TXNL1: variants seen among roughly 807,000 people sequenced by gnomAD.
TXNL1 encodes the protein thioredoxin-like protein 1.
TXNL1 carries 14 observed loss-of-function variants against 35.5 expected under a neutral mutation model. The ratio of observed to expected loss-of-function variants is 0.39; its 90% confidence interval spans 0.26 to 0.62. The LOEUF is 0.62. TXNL1 is among the 20% of genes least tolerant of loss of function. The pLI, the probability that TXNL1 is intolerant of heterozygous loss-of-function variation, is 0.47. For synonymous variants in TXNL1, 110 were observed against 115.5 expected (o/e 0.95, Z 0.31); for missense variants, 263 against 349.7 (o/e 0.75, Z 1.98).
intron 1 of TXNL1, among the ~76,000 whole-genome samples, chr18:56,633,983 CAAAAAAAAAAA>C (rs71169380): frequency 9.7e-5 from 5 of 51,298 alleles, no homozygotes; most frequent in Admixed American, 5.9e-4. Context: ...GACTCCATCT[CAAAAAAAAAAA>C]AAAAAAAAAA....
intron 1 of TXNL1, 114 bp from the exon 2 acceptor site, chr18:56,626,571 T>TA: frequency 1.1e-6 from 1 of 940,826 alleles, no homozygotes; most frequent in Non-Finnish European, 1.6e-6. Flanking sequence ...TGACTCTCTG[T>TA]TTTTTTTGTT....
At chr18:56,621,466 T>C (rs1208242574) in intron 3 of TXNL1, among the ~76,000 whole-genome samples, 7 of 152,032 alleles carry the variant, frequency 4.6e-5, no homozygotes, top group African/African-American at 1.7e-4. Flanking sequence ...AGTGCTGGGA[T>C]TACAGGCGTG....
intron 7 of TXNL1, chr18:56,610,021 T>G (rs1233026500): frequency 3.4e-5 from 2 of 59,642 alleles, no homozygotes; most frequent in Non-Finnish European, 6.7e-5. Flanking sequence ...TGAATTAAAG[T>G]AAGATCTGTA....
intron 1 of TXNL1, among the ~76,000 whole-genome samples, chr18:56,634,084 C>A (rs1321474984): frequency 6.6e-6 from 1 of 150,736 alleles, no homozygotes; most frequent in Non-Finnish European, 1.5e-5. Context: ...TCTTTTAACT[C>A]TTTAGTAACA....
At chr18:56,606,204 G>A (rs1052519901) in intron 7 of TXNL1, among the ~76,000 whole-genome samples, 5 of 151,996 alleles carry the variant, frequency 3.3e-5, no homozygotes, top group East Asian at 1.9e-4. Context: ...GTGAAACCCC[G>A]TCTCTACTAA....
Position 56,599,374 on chromosome 18 carries a change from T to G in TXNL1, c.*3653A>C, listed in dbSNP as rs1021427531. The G allele has an allele frequency of 6.6e-6, 1 of 152,120 alleles. No homozygotes were observed. Among genetic ancestry groups the G allele is most frequent in the African/African-American group, 2.4e-5 (1 of 41,404 alleles). The allele number at this position is 152,120 out of a possible 1,614,324, so 9.4% of individuals were successfully genotyped here. A position where few individuals can be genotyped will look rare whatever the true frequency, so the allele number is the denominator to read the frequency against. On this transcript the variant is annotated 3_prime_UTR_variant, in exon 8 of 8. Coordinates refer to ENST00000217515, the MANE Select transcript of TXNL1 (RefSeq NM_004786.3). ...GTAGTCTTCCTTAAGAAGTATAGGC[T>G]TAACTGGGGAATAGTCAATATTTTA... is the stretch of plus-strand genomic sequence containing the variant.
chr18:56,625,021 A>G (rs1441600071), intron 2 of TXNL1, among the ~76,000 whole-genome samples: 1 of 152,224 alleles, frequency 6.6e-6, no homozygotes, highest in Non-Finnish European at 1.5e-5. Flanking sequence ...CCACAATTGT[A>G]TAAGACTAAC....
At chr18:56,623,871 A>G (rs1398216264) in intron 3 of TXNL1, among the ~76,000 whole-genome samples, 3 of 152,190 alleles carry the variant, frequency 2.0e-5, no homozygotes, top group Admixed American at 1.3e-4. Context: ...ATAGGAAGTG[A>G]GTGACAGTAA....
chr18:56,598,504 C>A lies in TXNL1; in HGVS notation c.*4523G>T. ...TGCGATATTAGGGTACGTTCTGCTACCTGGTAATACAGCACAGCACACTGG... is the reference window on the plus strand; with the variant it reads ...TGCGATATTAGGGTACGTTCTGCTAACTGGTAATACAGCACAGCACACTGG... On this transcript the variant is annotated 3_prime_UTR_variant, in exon 8 of 8. Coordinates refer to ENST00000217515, the MANE Select transcript of TXNL1 (RefSeq NM_004786.3). The A allele has an allele frequency of 6.6e-6, 1 of 152,270 alleles. No homozygotes were observed. Among genetic ancestry groups the A allele is most frequent in the Non-Finnish European group, 1.5e-5 (1 of 68,086 alleles). The allele number at this position is 152,270 out of a possible 1,614,324, so 9.4% of individuals were successfully genotyped here. A position where few individuals can be genotyped will look rare whatever the true frequency, so the allele number is the denominator to read the frequency against.
chr18:56,629,316 C>T (rs918648790), intron 1 of TXNL1, among the ~76,000 whole-genome samples: 4 of 152,186 alleles, frequency 2.6e-5, no homozygotes, highest in South Asian at 2.1e-4. Flanking sequence ...TCACTTGAGT[C>T]CAGGAGTTCT....
At chr18:56,608,625 C>T (rs997779779) in intron 7 of TXNL1, 1 of 152,132 alleles carries the variant, frequency 6.6e-6, no homozygotes, top group Admixed American at 6.6e-5. Context: ...GCCTTTTAGA[C>T]TCTTATTCTC....
At chr18:56,633,787 C>T (rs559932964) in intron 1 of TXNL1, among the ~76,000 whole-genome samples, 5 of 151,756 alleles carry the variant, frequency 3.3e-5, no homozygotes, top group African/African-American at 1.2e-4. Flanking sequence ...AGTTCGAGAC[C>T]AGCCTGACCA....
chr18:56,631,586 A>G (rs1281188207), intron 1 of TXNL1, among the ~76,000 whole-genome samples: 1 of 152,228 alleles, frequency 6.6e-6, no homozygotes, highest in Non-Finnish European at 1.5e-5. Flanking sequence ...TGTTTGAGAA[A>G]AAGAATACAG....
In TXNL1 at chr18:56,610,983, G is replaced by T; in HGVS notation, c.840+10C>A. 3.2e-6 allele frequency: 5 copies of T among 1,539,092 alleles called. No homozygotes were observed. The highest frequency in any genetic ancestry group is 4.4e-6 in the Non-Finnish European group (5 of 1,128,670). ...TTTACTATCCCGAAGTATCATTTAA[G>T]CAAACTTACTCGTTTGAAGTCATTC... On this transcript the variant is annotated intron_variant, in intron 7 of 7. Coordinates refer to ENST00000217515, the MANE Select transcript of TXNL1 (RefSeq NM_004786.3).
chr18:56,609,566 C>G (rs2023957184), intron 7 of TXNL1: 5 of 151,872 alleles, frequency 3.3e-5, no homozygotes, highest in Admixed American at 3.3e-4. Context: ...AAACTAGAGC[C>G]AAATTAATGA....
In TXNL1 at chr18:56,614,590, C is replaced by A. The variant is rs1348080738; in HGVS notation, c.569G>T (p.Gly190Val). Residue 190 changes from glycine to valine, a missense_variant, in exon 6 of 8, where the codon GGC (glycine) becomes GTC (valine). Transcript: ENST00000217515. ...GATAAAAATTTTTACATATTTAGGG[C>A]CCTGACCTATACAATGGTAGAATAA... is the stretch of plus-strand genomic sequence containing the variant. ...MKFQGPDNGQ[G>V]PKYVKIFINL... The A allele has an allele frequency of 6.2e-7, 1 of 1,611,204 alleles. No individual in the cohort carries two copies. Among genetic ancestry groups the A allele is most frequent in the Non-Finnish European group, 8.5e-7 (1 of 1,179,178 alleles).
Position 56,610,976 on chromosome 18 carries a change from C to A in TXNL1, c.840+17G>T. 6.7e-7 allele frequency: 1 copy of A among 1,494,432 alleles called. No homozygotes were observed. The highest frequency in any genetic ancestry group is 9.2e-7 in the Non-Finnish European group (1 of 1,089,772). 92.6% of individuals were successfully genotyped at this position (1,494,432 alleles called of 1,614,324 possible). The stretch of plus-strand genomic sequence containing the variant: ...TTATATTTTTACTATCCCGAAGTAT[C>A]ATTTAAGCAAACTTACTCGTTTGAA... On this transcript the variant is annotated intron_variant, in intron 7 of 7. Transcript: ENST00000217515.
chr18:56,616,759 T>G (rs1473047581), intron 4 of TXNL1, among the ~76,000 whole-genome samples: 2 of 152,204 alleles, frequency 1.3e-5, no homozygotes, highest in African/African-American at 4.8e-5. Context: ...AGCCCTGAAA[T>G]GGACTCTAAT....
intron 6 of TXNL1, among the ~76,000 whole-genome samples, chr18:56,612,674 A>C (rs2024016714): frequency 6.6e-6 from 1 of 152,022 alleles, no homozygotes; most frequent in South Asian, 2.1e-4. Flanking sequence ...GACCAGTTAA[A>C]AACTGCCTCT....
Sources: allele counts gnomAD v4.1 joint callset (sites outside exome capture counted in the v4.1 genomes callset), GRCh38; gene constraint gnomAD v4.1.1; transcripts MANE v1.5; gene names NCBI Gene and HGNC (gene_info 2026-07-23, HGNC 2026-07-21).